The following TRMT11 variants were observed in gnomAD, a reference collection of about 807,000 sequenced individuals.
The protein encoded by TRMT11 is tRNA methyltransferase 11, also known as tRNA (guanine(10)-N(2))-methyltransferase TRMT11.
Under a neutral mutation model 62.8 loss-of-function variants are expected in TRMT11, and 53 were observed. The observed-to-expected ratio is 0.84, with a 90% CI of 0.68 to 1.06. The LOEUF is 1.06. TRMT11 is among the 50% of genes least tolerant of loss of function. The probability of loss-of-function intolerance (pLI) is 0.00; values close to 1 mark genes in which losing one functional copy is unlikely to be tolerated. For synonymous variants in TRMT11, 188 were observed against 190.3 expected (o/e 0.99, Z 0.10); for missense variants, 556 against 553.4 (o/e 1.00, Z -0.05).
At chr6:126,044,143 G>A (rs1363329735), downstream of TRMT11, among the ~76,000 whole-genome samples, 1 of 151,936 alleles carries the variant, frequency 6.6e-6, no homozygotes, top group Non-Finnish European at 1.5e-5. Flanking sequence ...CCTATGTCCT[G>A]AATGGTAATG....
At chr6:126,201,068 T>C (rs1778729722) in intron 3 of TRMT11, among the ~76,000 whole-genome samples, 1 of 152,198 alleles carries the variant, frequency 6.6e-6, no homozygotes, top group Non-Finnish European at 1.5e-5. Context: ...CAAAGCGTAC[T>C]CCCTGCCAAT....
intron 21 of TRMT11, among the ~76,000 whole-genome samples, chr6:126,132,707 A>G (rs1777799199): frequency 6.6e-6 from 1 of 152,000 alleles, no homozygotes; most frequent in Non-Finnish European, 1.5e-5. Context: ...TGACACCACG[A>G]CTGTTTTTAA....
chr6:126,058,035 C>G (rs1245377642), intron 17 of TRMT11, among the ~76,000 whole-genome samples: 1 of 151,862 alleles, frequency 6.6e-6, no homozygotes, highest in African/African-American at 2.4e-5. Flanking sequence ...TATACACATG[C>G]CATGGTGGTT....
chr6:126,167,186 C>T (rs1387213935), intron 21 of TRMT11, among the ~76,000 whole-genome samples: 3 of 152,296 alleles, frequency 2.0e-5, no homozygotes, highest in South Asian at 2.1e-4. Flanking sequence ...GCAGCTAGCT[C>T]GGTGTCTGCC....
intron 7 of TRMT11, among the ~76,000 whole-genome samples, chr6:126,007,713 A>C (rs977769506): frequency 5.3e-5 from 8 of 151,962 alleles, no homozygotes; most frequent in African/African-American, 1.2e-4. Context: ...TTGTCTGGTC[A>C]GATTGTATTG....
chr6:126,021,383 A>G, intron 12 of TRMT11, 103 bp downstream of exon 12: 1 of 1,357,466 alleles, frequency 7.4e-7, no homozygotes, highest in Non-Finnish European at 1.0e-6. Context: ...ATTCCTTGAT[A>G]TTTTAAAAAT....
At chr6:126,205,290 G>A (rs183715487), downstream of TRMT11, among the ~76,000 whole-genome samples, 143 of 152,302 alleles carry the variant, frequency 9.4e-4, no homozygotes, top group Non-Finnish European at 1.5e-3. Context: ...AGGTCACGAG[G>A]TCAGGAGTTC....
chr6:126,038,137 A>G (rs1174438787), intron 12 of TRMT11, among the ~76,000 whole-genome samples: 2 of 152,044 alleles, frequency 1.3e-5, no homozygotes, highest in African/African-American at 4.8e-5. Flanking sequence ...TGTGAAGTCT[A>G]CAAGTATGGA....
intron 11 of TRMT11, among the ~76,000 whole-genome samples, chr6:126,014,907 A>T (rs1346282484): frequency 1.3e-5 from 2 of 151,914 alleles, no homozygotes; most frequent in African/African-American, 2.4e-5. Context: ...ACTTAATTCG[A>T]CATCCTGCCA....
chr6:126,137,495 G>A (rs146423725), intron 21 of TRMT11, among the ~76,000 whole-genome samples: 279 of 151,828 alleles, frequency 1.8e-3, no homozygotes, highest in Middle Eastern at 6.8e-3. Flanking sequence ...TGGCAAGGAC[G>A]CAGAGAAAGG....
intron 7 of TRMT11, among the ~76,000 whole-genome samples, chr6:126,001,161 A>G (rs1792415315): frequency 6.6e-6 from 1 of 152,148 alleles, no homozygotes; most frequent in African/African-American, 2.4e-5. Context: ...AGATGTATTA[A>G]TACAGTACTT....
intron 1 of TRMT11, among the ~76,000 whole-genome samples, chr6:125,992,901 C>A (rs570050808): frequency 6.6e-6 from 1 of 152,152 alleles, no homozygotes; most frequent in Non-Finnish European, 1.5e-5. Context: ...GTTGCATAGA[C>A]AAAATAGAAA....
chr6:126,156,374 C>T (rs930712479), intron 21 of TRMT11, among the ~76,000 whole-genome samples: 1 of 152,302 alleles, frequency 6.6e-6, no homozygotes, highest in South Asian at 2.1e-4. Context: ...TCTGTGGGGG[C>T]AACACCCATA....
At chr6:126,244,535 A>G in the TRMT11 span, among the ~76,000 whole-genome samples, 1 of 152,210 alleles carries the variant, frequency 6.6e-6, no homozygotes, top group Non-Finnish European at 1.5e-5. Context: ...TTTGCTTCCA[A>G]GGGAAATCAG....
the TRMT11 span, among the ~76,000 whole-genome samples, chr6:126,265,066 T>A: frequency 6.6e-6 from 1 of 152,274 alleles, no homozygotes; most frequent in Middle Eastern, 3.4e-3. Flanking sequence ...GCTTACTGAG[T>A]TGTAATTCAA....
At chr6:126,247,475 A>ATCTATCTATCTATCTATCTG in the TRMT11 span, among the ~76,000 whole-genome samples, 322 of 147,612 alleles carry the variant, frequency 2.2e-3, 3 homozygotes, top group East Asian at 0.014. Flanking sequence ...CTATCTATCT[A>ATCTATCTATCTATCTATCTG]TCTATCTATC....
upstream of TRMT11, among the ~76,000 whole-genome samples, chr6:126,176,997 G>T (rs897854871): frequency 2.0e-5 from 3 of 150,466 alleles, no homozygotes; most frequent in Non-Finnish European, 1.5e-5. Context: ...GACTTCAACA[G>T]ATGTTTTTTA....
At chr6:126,204,255 C>T (rs1169540326), downstream of TRMT11, among the ~76,000 whole-genome samples, 1 of 152,194 alleles carries the variant, frequency 6.6e-6, no homozygotes, top group Non-Finnish European at 1.5e-5. Context: ...TCTGAAACTT[C>T]TCCAGAAACT....
chr6:126,029,111 A>G (rs980642885), intron 12 of TRMT11, among the ~76,000 whole-genome samples: 3 of 152,086 alleles, frequency 2.0e-5, no homozygotes, highest in Non-Finnish European at 4.4e-5. Context: ...TCCTCATTGT[A>G]TACTTTTGTA....
Sources: allele counts gnomAD v4.1 joint callset (sites outside exome capture counted in the v4.1 genomes callset), GRCh38; gene constraint gnomAD v4.1.1; transcripts MANE v1.5; gene names NCBI Gene and HGNC (gene_info 2026-07-23, HGNC 2026-07-21).